Variants in KDM2A observed in about 807,000 individuals in gnomAD.
KDM2A encodes the protein lysine-specific demethylase 2A.
In KDM2A, 3 loss-of-function variants were observed where a neutral mutation model predicts 137.3. The ratio of observed to expected loss-of-function variants is 0.02; its 90% CI spans 0.01 to 0.06. KDM2A has a LOEUF of 0.06. KDM2A is among the 10% of genes least tolerant of loss of function. KDM2A has a pLI of 1.00. For missense variants in KDM2A, 738 were observed against 1,510.6 expected (o/e 0.49, Z 8.48); for synonymous variants, 512 against 541.5 (o/e 0.95, Z 0.76).
intron 5 of KDM2A, among the ~76,000 whole-genome samples, chr11:67,199,414 TG>T (rs1197698156): frequency 3.3e-5 from 5 of 152,188 alleles, no homozygotes; most frequent in African/African-American, 9.7e-5. Context: ...TTAACCAAGA[TG>T]TGAATGCAAA....
At chr11:67,154,078 A>G (rs994055288) in intron 2 of KDM2A, among the ~76,000 whole-genome samples, 18 of 152,174 alleles carry the variant, frequency 1.2e-4, no homozygotes, top group African/African-American at 1.9e-4. Context: ...GAATTTTCCA[A>G]TGTCCTAAAT....
chr11:67,191,769 C>A (rs1240319013), intron 5 of KDM2A, among the ~76,000 whole-genome samples: 1 of 152,124 alleles, frequency 6.6e-6, no homozygotes, highest in Non-Finnish European at 1.5e-5. Context: ...CATTTAAGAT[C>A]AGGAACAGCG....
chr11:67,249,979 C>A, intron 16 of KDM2A, 107 bp from the exon 17 acceptor site: 1 of 919,962 alleles, frequency 1.1e-6, no homozygotes, highest in Non-Finnish European at 1.6e-6. Context: ...TCCAACGTGA[C>A]CTTTCTTCTC....
At chr11:67,230,056 G>T (rs1858663967) in intron 11 of KDM2A, among the ~76,000 whole-genome samples, 1 of 151,760 alleles carries the variant, frequency 6.6e-6, no homozygotes, top group African/African-American at 2.4e-5. Flanking sequence ...GGCACCTGTA[G>T]TCCCAGCTAT....
intron 2 of KDM2A, among the ~76,000 whole-genome samples, chr11:67,159,645 T>A (rs1856592707): frequency 6.6e-6 from 1 of 152,212 alleles, no homozygotes; most frequent in Admixed American, 6.5e-5. Flanking sequence ...TAGTAAATAA[T>A]CTGTGGGGTG....
At chr11:67,173,577 A>G (rs1259577992) in intron 2 of KDM2A, among the ~76,000 whole-genome samples, 1 of 151,646 alleles carries the variant, frequency 6.6e-6, no homozygotes, top group Non-Finnish European at 1.5e-5. Context: ...TTTTTAGAAG[A>G]GACAGGTTTT....
At chr11:67,234,303 G>A (rs1226262444) in intron 12 of KDM2A, among the ~76,000 whole-genome samples, 1 of 152,166 alleles carries the variant, frequency 6.6e-6, no homozygotes, top group Admixed American at 6.6e-5. Context: ...TAGCACTGAT[G>A]GCTATACTTC....
intron 12 of KDM2A, among the ~76,000 whole-genome samples, chr11:67,232,826 G>A (rs968862109): frequency 6.6e-6 from 1 of 152,004 alleles, no homozygotes; most frequent in Non-Finnish European, 1.5e-5. Flanking sequence ...TCGTGCCTCA[G>A]CCTCCTGAGT....
intron 1 of KDM2A, among the ~76,000 whole-genome samples, chr11:67,120,574 C>G (rs894459669): frequency 1.3e-5 from 2 of 152,106 alleles, no homozygotes; most frequent in African/African-American, 4.8e-5. Flanking sequence ...TTACTTTATC[C>G]AAAAAGATCA....
At chr11:67,157,978 T>A (rs952307000) in intron 2 of KDM2A, among the ~76,000 whole-genome samples, 1 of 152,136 alleles carries the variant, frequency 6.6e-6, no homozygotes, top group Admixed American at 6.6e-5. Flanking sequence ...CTCATGTTTA[T>A]AGTTTAAATT....
At chr11:67,217,363 C>T (rs1032709723) in intron 8 of KDM2A, among the ~76,000 whole-genome samples, 2 of 151,280 alleles carry the variant, frequency 1.3e-5, no homozygotes, top group East Asian at 1.9e-4. Context: ...TTGGACAAAA[C>T]AACCTGAGCC....
chr11:67,206,973 G>A lies in KDM2A; in HGVS notation c.308-537G>A, dbSNP rs189142147. 3.9e-3 allele frequency among the ~76,000 whole-genome samples: 598 copies of A among 152,272 alleles called. 3 individuals carry two copies. Among genetic ancestry groups the A allele is most frequent in the Middle Eastern group, 0.014 (4 of 294 alleles). On this transcript the variant is annotated intron_variant, in intron 5 of 20. Transcript: ENST00000529006. ...TGAACTAGGATAATTATCTTCATGG[G>A]CTAGGATATTAGCAACAGGTTTGCG...
intron 2 of KDM2A, among the ~76,000 whole-genome samples, chr11:67,170,412 T>TC (rs1419722061): frequency 2.2e-5 from 3 of 135,368 alleles, no homozygotes; most frequent in South Asian, 2.5e-4. Flanking sequence ...TTCTTTCTTT[T>TC]TTTTTTTTTT....
chr11:67,256,677 C>G lies in KDM2A; in HGVS notation c.*1622C>G, dbSNP rs954462777. The G allele has an allele frequency of 6.5e-6, 1 of 152,710 alleles. No homozygotes were observed. Among genetic ancestry groups the G allele is most frequent in the Admixed American group, 6.5e-5 (1 of 15,274 alleles). 9.5% of individuals were successfully genotyped at this position (152,710 alleles called of 1,614,324 possible). On this transcript the variant is annotated 3_prime_UTR_variant, in exon 21 of 21. Transcript: ENST00000529006. Reference sequence around the variant, plus strand: ...AAGTGTGAGCCACTGAGAAGAGAGACGCCAACTGCACCCTTGCCACTTCCA... The same window carrying G: ...AAGTGTGAGCCACTGAGAAGAGAGAGGCCAACTGCACCCTTGCCACTTCCA...
intron 5 of KDM2A, among the ~76,000 whole-genome samples, chr11:67,202,520 C>G (rs1857655080): frequency 6.6e-6 from 1 of 152,120 alleles, no homozygotes; most frequent in African/African-American, 2.4e-5. Flanking sequence ...CGTCTGTAAT[C>G]CTAGCACTTT....
intron 10 of KDM2A, among the ~76,000 whole-genome samples, chr11:67,220,432 C>A (rs1474737579): frequency 2.6e-5 from 4 of 152,116 alleles, no homozygotes; most frequent in African/African-American, 9.7e-5. Context: ...AATTTCAGAA[C>A]TTTAAATTCA....
At chr11:67,154,937 GT>G (rs1856480106) in intron 2 of KDM2A, among the ~76,000 whole-genome samples, 1 of 152,218 alleles carries the variant, frequency 6.6e-6, no homozygotes, top group African/African-American at 2.4e-5. Flanking sequence ...CATTTGGGTT[GT>G]TTCTACCTTT....
At chr11:67,176,122 AAG>A (rs1428674441) in intron 2 of KDM2A, among the ~76,000 whole-genome samples, 4 of 152,182 alleles carry the variant, frequency 2.6e-5, no homozygotes, top group Admixed American at 6.5e-5. Flanking sequence ...GTTACTAGGT[AAG>A]AGAGTGTTCT....
At chr11:67,236,835 T>A (rs1472421440) in intron 12 of KDM2A, among the ~76,000 whole-genome samples, 2 of 152,224 alleles carry the variant, frequency 1.3e-5, no homozygotes, top group Non-Finnish European at 2.9e-5. Flanking sequence ...AATGCCTGCC[T>A]GCTCTGTGTC....
Sources: allele counts gnomAD v4.1 joint callset (sites outside exome capture counted in the v4.1 genomes callset), GRCh38; gene constraint gnomAD v4.1.1; transcripts MANE v1.5; gene names NCBI Gene and HGNC (gene_info 2026-07-23, HGNC 2026-07-21).